SCUBE2: variants seen among roughly 807,000 people sequenced by gnomAD.
SCUBE2 encodes signal peptide, CUB and EGF-like domain-containing protein 2.
A neutral mutation model predicts 125.9 loss-of-function variants in SCUBE2; 114 were observed. That is an observed-to-expected ratio of 0.91 (90% CI 0.78 to 1.06). SCUBE2 has a LOEUF of 1.06. SCUBE2 is among the 50% of genes least tolerant of loss of function. SCUBE2 has a pLI of 0.00. For missense variants in SCUBE2, 1,255 were observed against 1,301.8 expected (o/e 0.96, Z 0.55); for synonymous variants, 459 against 492.9 (o/e 0.93, Z 0.91).
At chr11:9,086,975 C>T (rs956487705) in intron 2 of SCUBE2, among the ~76,000 whole-genome samples, 1 of 151,942 alleles carries the variant, frequency 6.6e-6, no homozygotes, top group African/African-American at 2.4e-5. Context: ...AGGATGTATG[C>T]TCACTGTTAA....
chr11:9,042,037 G>A (rs533047672), intron 16 of SCUBE2, among the ~76,000 whole-genome samples: 5 of 152,064 alleles, frequency 3.3e-5, no homozygotes, highest in Admixed American at 1.3e-4. Context: ...GGACAGACTC[G>A]GGATTAGGCA....
intron 7 of SCUBE2, among the ~76,000 whole-genome samples, chr11:9,062,243 C>T (rs191767067): frequency 2.6e-5 from 4 of 152,336 alleles, no homozygotes; most frequent in African/African-American, 9.6e-5. Context: ...GTTAAAATAA[C>T]AGCCATTGAA....
Position 9,021,174 on chromosome 11 carries a change from C to T in SCUBE2, c.2958G>A (p.Leu986=). Residue 986 remains leucine, a synonymous_variant, in exon 23 of 23, where the codon CTG becomes CTA. Coordinates refer to ENST00000649792, the MANE Select transcript of SCUBE2 (RefSeq NM_001367977.2). ...TCTGGGGATGGGCCAGGACATCAAA[C>T]AGAGCCTTGATAAGTTTCTTATCCT... ...ILKDKKLIKA[L]FDVLAHPQNY... The T allele has an allele frequency of 1.3e-6, 2 of 1,591,476 alleles. No individual in the cohort carries two copies. The highest frequency in any genetic ancestry group is 1.8e-5 in the Admixed American group (1 of 55,896).
At chr11:9,089,557 AAT>A (rs1862435916) in intron 2 of SCUBE2, 148 bp downstream of exon 2, 1 of 839,666 alleles carries the variant, frequency 1.2e-6, no homozygotes, top group Admixed American at 2.5e-5. Context: ...CAAGATCTGA[AAT>A]ATATTTCAGA....
chr11:9,059,896 C>T (rs1859489114), intron 8 of SCUBE2, among the ~76,000 whole-genome samples: 1 of 152,216 alleles, frequency 6.6e-6, no homozygotes, highest in Non-Finnish European at 1.5e-5. Context: ...CCAGTTTCGT[C>T]TGGCAATTGG....
At chr11:9,078,409 A>C (rs1352932656) in intron 3 of SCUBE2, among the ~76,000 whole-genome samples, 1 of 152,248 alleles carries the variant, frequency 6.6e-6, no homozygotes, top group Non-Finnish European at 1.5e-5. Flanking sequence ...AGGTCATATG[A>C]GGGTTAAGTC....
intron 16 of SCUBE2, among the ~76,000 whole-genome samples, chr11:9,038,892 T>C (rs565648705): frequency 1.3e-5 from 2 of 152,118 alleles, no homozygotes; most frequent in African/African-American, 4.8e-5. Flanking sequence ...TTTCTTTTCT[T>C]TTCTTTTCTT....
rs148492581 is a variant in SCUBE2, at chr11:9,089,944, A to G, written c.134-115T>C. On this transcript the variant is annotated intron_variant, in intron 1 of 22. Coordinates refer to ENST00000649792, the MANE Select transcript of SCUBE2 (RefSeq NM_001367977.2). ...CACCCCGCTTCACTCCTCACAAGCT[A>G]CAGCTGCTTGGGATCCCTGGGATAA... 3.4e-3 allele frequency: 4,544 copies of G among 1,344,776 alleles called. 10 individuals carry two copies. Among genetic ancestry groups the G allele is most frequent in the Non-Finnish European group, 4.1e-3 (4,076 of 1,003,034 alleles). 83.3% of individuals were successfully genotyped at this position (1,344,776 alleles called of 1,614,324 possible). A position where few individuals can be genotyped will look rare whatever the true frequency, so the allele number is the denominator to read the frequency against.
intron 2 of SCUBE2, among the ~76,000 whole-genome samples, chr11:9,083,389 T>C (rs1398523336): frequency 6.6e-6 from 1 of 152,156 alleles, no homozygotes; most frequent in Non-Finnish European, 1.5e-5. Flanking sequence ...ATATTGTACT[T>C]TAGTTAGTAA....
intron 16 of SCUBE2, among the ~76,000 whole-genome samples, chr11:9,038,446 T>C (rs1856924464): frequency 6.6e-6 from 1 of 152,046 alleles, no homozygotes; most frequent in Non-Finnish European, 1.5e-5. Context: ...CAAGACCAGC[T>C]TGGGAAATAT....
At chr11:9,056,091 G>A (rs1859056772) in intron 9 of SCUBE2, among the ~76,000 whole-genome samples, 182 bp from the exon 10 acceptor site, 1 of 152,200 alleles carries the variant, frequency 6.6e-6, no homozygotes, top group South Asian at 2.1e-4. Context: ...CCCACAAGAA[G>A]TATACTGACT....
Position 9,053,531 on chromosome 11 carries a change from A to G in SCUBE2, c.1330+106T>C, listed in dbSNP as rs1431408661. 4 of 1,284,140 alleles carry G rather than the reference A, an allele frequency of 3.1e-6. No homozygotes were observed. In the African/African-American group the frequency reaches 5.9e-5, roughly 19 times the overall value. 79.5% of individuals were successfully genotyped at this position (1,284,140 alleles called of 1,614,324 possible). ...GAACAGTTGCTGCAGCTGGTGGGGA[A>G]GTCAGTGGAGGGACGGTCAGGTGGG... On this transcript the variant is annotated intron_variant, in intron 11 of 22. Transcript: ENST00000649792.
At chr11:9,070,439 C>T (rs796911940) in intron 4 of SCUBE2, among the ~76,000 whole-genome samples, 15 of 152,278 alleles carry the variant, frequency 9.9e-5, no homozygotes, top group African/African-American at 3.4e-4. Context: ...TTTTCATACC[C>T]TAGAATACTT....
intron 3 of SCUBE2, among the ~76,000 whole-genome samples, chr11:9,074,850 A>C (rs1269890295): frequency 6.6e-6 from 1 of 152,204 alleles, no homozygotes; most frequent in Admixed American, 6.5e-5. Flanking sequence ...CTCAGTAAAT[A>C]TTTGTTGAAC....
chr11:9,030,174 C>G, intron 18 of SCUBE2, 129 bp from the exon 19 acceptor site: 1 of 1,047,510 alleles, frequency 9.5e-7, no homozygotes, highest in South Asian at 1.7e-5. Flanking sequence ...TCCTACCAAT[C>G]TGGGGCTAAT....
At chr11:9,081,020 G>T (rs1384686542) in intron 2 of SCUBE2, among the ~76,000 whole-genome samples, 7 of 152,176 alleles carry the variant, frequency 4.6e-5, no homozygotes, top group Non-Finnish European at 8.8e-5. Flanking sequence ...TTAGGGATAT[G>T]CAAATTAAAA....
At chr11:9,027,269 C>A in intron 20 of SCUBE2, 95 bp downstream of exon 20, 2 of 1,188,090 alleles carry the variant, frequency 1.7e-6, no homozygotes, top group Non-Finnish European at 2.4e-6. Context: ...ATGGAGGTGA[C>A]GTTCTAGGCC....
At chr11:9,033,048 G>C (rs1856449418) in intron 17 of SCUBE2, among the ~76,000 whole-genome samples, 2 of 152,144 alleles carry the variant, frequency 1.3e-5, no homozygotes, top group African/African-American at 4.8e-5. Flanking sequence ...GGAGCCCACA[G>C]AGTGTCAATA....
intron 16 of SCUBE2, among the ~76,000 whole-genome samples, chr11:9,034,627 G>A (rs554248215): frequency 5.3e-5 from 8 of 152,210 alleles, no homozygotes; most frequent in South Asian, 2.1e-4. Context: ...TCTGGTGGCC[G>A]GCTGGGATGG....
Sources: gnomAD v4.1 joint callset for allele counts (sites outside exome capture counted in the v4.1 genomes callset) on GRCh38, gnomAD v4.1.1 for gene constraint, MANE v1.5 for transcripts, NCBI Gene and HGNC (gene_info 2026-07-23, HGNC 2026-07-21) for gene names.